Variants in INTS4 observed in about 807,000 individuals in gnomAD.
The protein encoded by INTS4 is integrator complex subunit 4, also known as MSTP093.
A neutral mutation model predicts 119.5 loss-of-function variants in INTS4; 70 were observed. The observed-to-expected ratio is 0.59, with a 90% CI of 0.48 to 0.71. INTS4 has a LOEUF of 0.71. Ranked by LOEUF, INTS4 falls within the 30% of genes least tolerant of loss-of-function variation. The probability of loss-of-function intolerance (pLI) is 0.00; values close to 1 mark genes in which losing one functional copy is unlikely to be tolerated. For missense variants in INTS4, 867 were observed against 1,173.2 expected, an observed-to-expected ratio of 0.74 and a Z score of 3.81; for synonymous variants, 316 against 419.6, an observed-to-expected ratio of 0.75 and a Z score of 3.02.
intron 2 of INTS4, among the ~76,000 whole-genome samples, chr11:77,986,123 G>C (rs554571942): frequency 6.6e-6 from 1 of 152,300 alleles, no homozygotes; most frequent in East Asian, 1.9e-4. Flanking sequence ...ACTGGTTAAA[G>C]TGCTTGAGAT....
chr11:77,968,320 A>C (rs1855578559), intron 4 of INTS4, among the ~76,000 whole-genome samples: 1 of 152,232 alleles, frequency 6.6e-6, no homozygotes, highest in South Asian at 2.1e-4. Flanking sequence ...TGTAAAAAGG[A>C]AGAAAATTCT....
chr11:77,925,224 GCAGAACACT>G (rs1405849779), intron 11 of INTS4, among the ~76,000 whole-genome samples: 1 of 152,180 alleles, frequency 6.6e-6, no homozygotes, highest in Non-Finnish European at 1.5e-5. Flanking sequence ...TGGCCAGTTA[GCAGAACACT>G]CAGAACACAC....
chr11:77,946,414 A>G (rs1476791561), intron 8 of INTS4, among the ~76,000 whole-genome samples: 1 of 152,222 alleles, frequency 6.6e-6, no homozygotes, highest in Admixed American at 6.5e-5. Context: ...AACATCCAGT[A>G]TCTTACACAC....
chr11:77,875,439 A>C (rs1951569727), downstream of INTS4, among the ~76,000 whole-genome samples: 1 of 152,210 alleles, frequency 6.6e-6, no homozygotes, highest in Non-Finnish European at 1.5e-5. Flanking sequence ...CTTTCATGAA[A>C]ATGAAGATTT....
intron 6 of INTS4, among the ~76,000 whole-genome samples, chr11:77,959,480 T>C (rs1443570016): frequency 6.6e-6 from 1 of 152,058 alleles, no homozygotes; most frequent in East Asian, 1.9e-4. Flanking sequence ...GATGCTGTCA[T>C]TACTGCTTGC....
chr11:77,964,327 G>A (rs1381569358), intron 4 of INTS4, among the ~76,000 whole-genome samples: 1 of 152,090 alleles, frequency 6.6e-6, no homozygotes, highest in Non-Finnish European at 1.5e-5. Context: ...TAGCACTTTA[G>A]GAGGCCAAGG....
chr11:77,991,951 A>G (rs573824409), intron 1 of INTS4, among the ~76,000 whole-genome samples: 1 of 151,992 alleles, frequency 6.6e-6, no homozygotes, highest in South Asian at 2.1e-4. Flanking sequence ...CTGACTCCCA[A>G]CTAGCTGGAA....
In INTS4 at chr11:77,983,486, C is replaced by A. The variant is rs12808167; in HGVS notation, c.247-1910G>T. Among the ~76,000 whole-genome samples the A allele has an allele frequency of 9.5e-3, 1,452 of 152,106 alleles. 8 individuals are homozygous for A. Among genetic ancestry groups the A allele is most frequent in the Non-Finnish European group, 0.015 (1,004 of 67,970 alleles). ...ATATATTAACAATTCCAAAACTGAA[C>A]AAGAGAAACAACCCAAATCAAAACT... On this transcript the variant is annotated intron_variant, in intron 2 of 22. Coordinates refer to ENST00000534064, the MANE Select transcript of INTS4 (RefSeq NM_033547.4).
At chr11:77,973,743 A>G (rs999095479) in intron 4 of INTS4, among the ~76,000 whole-genome samples, 2 of 152,132 alleles carry the variant, frequency 1.3e-5, no homozygotes, top group African/African-American at 4.8e-5. Flanking sequence ...AGTGTATTAC[A>G]TTCATTTATT....
downstream of INTS4, among the ~76,000 whole-genome samples, chr11:77,878,185 A>G (rs1951656415): frequency 6.6e-6 from 1 of 151,780 alleles, no homozygotes; most frequent in Admixed American, 6.6e-5. Flanking sequence ...ACATGGTGAA[A>G]CCCCGTCTCT....
At chr11:77,957,300 G>C (rs1358219329) in intron 7 of INTS4, among the ~76,000 whole-genome samples, 3 of 151,362 alleles carry the variant, frequency 2.0e-5, no homozygotes, top group Non-Finnish European at 4.4e-5. Context: ...TGTAATCCCA[G>C]CACACTGAGA....
chr11:77,945,295 G>A (rs560832605), intron 8 of INTS4, among the ~76,000 whole-genome samples: 1 of 152,192 alleles, frequency 6.6e-6, no homozygotes, highest in African/African-American at 2.4e-5. Context: ...ATCCAGTCTG[G>A]AGAGTAGCCA....
rs1208553862 is a variant in INTS4 at position 77,936,977 on chromosome 11, C to A, written c.1165+1674G>T. On this transcript the variant is annotated intron_variant, in intron 10 of 22. Coordinates refer to ENST00000534064, the MANE Select transcript of INTS4 (RefSeq NM_033547.4). ...ATAAGTTGAGCTCAGGAGTTTGAGA[C>A]CAGCCTCGACAACATGGCAAAACCC... 2.0e-5 allele frequency among the ~76,000 whole-genome samples: 3 copies of A among 152,030 alleles called. No homozygotes were observed. In the East Asian group the frequency reaches 5.8e-4, roughly 29 times the overall value.
chr11:77,887,638 G>C (rs1248223784), intron 21 of INTS4, among the ~76,000 whole-genome samples: 5 of 152,148 alleles, frequency 3.3e-5, no homozygotes, highest in African/African-American at 9.7e-5. Flanking sequence ...AATTGTCCCT[G>C]TTTGCAGATG....
intron 15 of INTS4, among the ~76,000 whole-genome samples, chr11:77,909,454 T>C (rs1444467568): frequency 1.3e-5 from 2 of 152,248 alleles, no homozygotes; most frequent in South Asian, 4.1e-4. Context: ...TTGCACCTTC[T>C]ACATGTATCT....
At chr11:77,973,946 T>G (rs981908126) in intron 4 of INTS4, among the ~76,000 whole-genome samples, 1 of 152,222 alleles carries the variant, frequency 6.6e-6, no homozygotes, top group Non-Finnish European at 1.5e-5. Context: ...ACTCATAGAA[T>G]GAGTTTGGAA....
intron 15 of INTS4, among the ~76,000 whole-genome samples, chr11:77,917,571 A>G (rs1953234270): frequency 6.6e-6 from 1 of 152,002 alleles, no homozygotes; most frequent in Non-Finnish European, 1.5e-5. Flanking sequence ...CAGTCTCCCA[A>G]AGTGCTGGGA....
intron 18 of INTS4, among the ~76,000 whole-genome samples, chr11:77,899,073 C>T (rs1031116268): frequency 1.1e-4 from 16 of 151,784 alleles, no homozygotes; most frequent in Admixed American, 3.9e-4. Flanking sequence ...ATTCAATAAC[C>T]CTTACAATAA....
intron 8 of INTS4, among the ~76,000 whole-genome samples, chr11:77,946,022 C>G (rs1954040238): frequency 6.6e-6 from 1 of 152,234 alleles, no homozygotes; most frequent in South Asian, 2.1e-4. Flanking sequence ...GCGGCAAAGG[C>G]CTGAGCCCAG....
Sources: gnomAD v4.1 joint callset for allele counts (sites outside exome capture counted in the v4.1 genomes callset) on GRCh38, gnomAD v4.1.1 for gene constraint, MANE v1.5 for transcripts, NCBI Gene and HGNC (gene_info 2026-07-23, HGNC 2026-07-21) for gene names.